The following TNFSF4 variants were observed in gnomAD, a reference collection of about 807,000 sequenced individuals.
The protein encoded by TNFSF4 is tumor necrosis factor ligand superfamily member 4.
In TNFSF4, 4 loss-of-function variants were observed where a neutral mutation model predicts 7.3. The observed-to-expected ratio is 0.55, with a 90% CI of 0.27 to 1.25. TNFSF4 has a LOEUF of 1.25. Ranked by LOEUF, TNFSF4 falls within the 50% of genes most tolerant of loss-of-function variation. TNFSF4 has a pLI of 0.12. For missense variants in TNFSF4, 181 were observed against 208.8 expected (o/e 0.87, Z 0.82); for synonymous variants, 76 against 83.7 (o/e 0.91, Z 0.50).
the TNFSF4 span, among the ~76,000 whole-genome samples, chr1:173,250,404 G>T: frequency 2.0e-5 from 3 of 151,772 alleles, no homozygotes; most frequent in Admixed American, 2.0e-4. Context: ...TATGTACAAA[G>T]CTACCAGCCA....
the TNFSF4 span, among the ~76,000 whole-genome samples, chr1:173,427,863 T>C: frequency 6.6e-6 from 1 of 152,052 alleles, no homozygotes; most frequent in Non-Finnish European, 1.5e-5. Context: ...TATTGCAACA[T>C]ATCTAAACAT....
chr1:173,247,778 A>G, the TNFSF4 span, among the ~76,000 whole-genome samples: 2 of 152,206 alleles, frequency 1.3e-5, no homozygotes, highest in African/African-American at 4.8e-5. Context: ...CTAATTAAAA[A>G]GCTATTTAAT....
chr1:173,255,309 G>T, the TNFSF4 span, among the ~76,000 whole-genome samples: 4 of 152,130 alleles, frequency 2.6e-5, no homozygotes, highest in African/African-American at 9.7e-5. Context: ...CAGGACGATT[G>T]GTGAAGGAAA....
chr1:173,305,966 C>T, the TNFSF4 span, among the ~76,000 whole-genome samples: 1 of 151,846 alleles, frequency 6.6e-6, no homozygotes, highest in Non-Finnish European at 1.5e-5. Flanking sequence ...ACCACATCAC[C>T]CTTCCCTGGA....
At chr1:173,173,427 A>G in the TNFSF4 span, among the ~76,000 whole-genome samples, 1 of 152,280 alleles carries the variant, frequency 6.6e-6, no homozygotes, top group East Asian at 1.9e-4. Flanking sequence ...AAATGCACCC[A>G]TTCCAAATGG....
the TNFSF4 span, among the ~76,000 whole-genome samples, chr1:173,428,916 A>G: frequency 6.6e-6 from 1 of 152,086 alleles, no homozygotes; most frequent in African/African-American, 2.4e-5. Flanking sequence ...CTGAGGCAGG[A>G]GAATTTATTG....
the TNFSF4 span, among the ~76,000 whole-genome samples, chr1:173,300,508 C>A: frequency 1.3e-5 from 2 of 151,864 alleles, no homozygotes; most frequent in Non-Finnish European, 2.9e-5. Context: ...ATAGTCTCTG[C>A]AAGTTTCTCT....
At chr1:173,391,955 C>T in the TNFSF4 span, among the ~76,000 whole-genome samples, 2 of 152,196 alleles carry the variant, frequency 1.3e-5, no homozygotes, top group African/African-American at 2.4e-5. Context: ...CCATAAGTTA[C>T]CCAAATGGAC....
At chr1:173,448,687 T>G in the TNFSF4 span, among the ~76,000 whole-genome samples, 1 of 152,154 alleles carries the variant, frequency 6.6e-6, no homozygotes, top group Admixed American at 6.5e-5. Context: ...CAAGGTAATG[T>G]CATCACTTAA....
the TNFSF4 span, among the ~76,000 whole-genome samples, chr1:173,321,562 T>C: frequency 1.3e-5 from 2 of 151,516 alleles, no homozygotes; most frequent in African/African-American, 4.9e-5. Context: ...TGGGAGAAAA[T>C]TTTTGCAAGA....
At chr1:173,182,259 T>G (rs1266056238), downstream of TNFSF4, among the ~76,000 whole-genome samples, 1 of 152,208 alleles carries the variant, frequency 6.6e-6, no homozygotes, top group Non-Finnish European at 1.5e-5. Context: ...AAGGTATTTT[T>G]ATGAATTGGG....
chr1:173,221,659 A>G, the TNFSF4 span, among the ~76,000 whole-genome samples: 1 of 152,198 alleles, frequency 6.6e-6, no homozygotes, highest in Non-Finnish European at 1.5e-5. Context: ...TTGCAAATGA[A>G]GAGCTCAGTT....
At chr1:173,305,055 G>A in the TNFSF4 span, among the ~76,000 whole-genome samples, 2 of 151,852 alleles carry the variant, frequency 1.3e-5, no homozygotes, top group Admixed American at 6.6e-5. Flanking sequence ...TCACAAAAAC[G>A]AACAGGAATT....
the TNFSF4 span, among the ~76,000 whole-genome samples, chr1:173,321,018 C>A: frequency 4.6e-5 from 7 of 152,198 alleles, no homozygotes; most frequent in East Asian, 7.7e-4. Flanking sequence ...CCCATATAGC[C>A]AAGAAAATCC....
chr1:173,364,402 T>TATAC, the TNFSF4 span, among the ~76,000 whole-genome samples: 21 of 147,586 alleles, frequency 1.4e-4, no homozygotes, highest in East Asian at 1.2e-3. Flanking sequence ...TATATATATA[T>TATAC]ACACACACAC....
chr1:173,187,058 A>C (rs558446428), intron 2 of TNFSF4, among the ~76,000 whole-genome samples, 193 bp from the exon 3 acceptor site: 16 of 152,138 alleles, frequency 1.1e-4, no homozygotes, highest in Admixed American at 7.9e-4. Flanking sequence ...CTCAAACAAA[A>C]AAAAAAAAGA....
At chr1:173,219,669 T>TACAC in the TNFSF4 span, among the ~76,000 whole-genome samples, 95 of 146,982 alleles carry the variant, frequency 6.5e-4, no homozygotes, top group South Asian at 1.7e-3. Context: ...GAAATTGTGA[T>TACAC]ACACACACAC....
the TNFSF4 span, among the ~76,000 whole-genome samples, chr1:173,329,591 G>C: frequency 6.6e-6 from 1 of 152,064 alleles, no homozygotes; most frequent in Non-Finnish European, 1.5e-5. Flanking sequence ...TTAGAGCAGG[G>C]TTTTAGGGGA....
chr1:173,399,935 A>T, the TNFSF4 span, among the ~76,000 whole-genome samples: 1 of 152,238 alleles, frequency 6.6e-6, no homozygotes, highest in Non-Finnish European at 1.5e-5. Flanking sequence ...CAAGGTGATC[A>T]GATAGGTACC....
Sources: allele counts gnomAD v4.1 joint callset (sites outside exome capture counted in the v4.1 genomes callset), GRCh38; gene constraint gnomAD v4.1.1; transcripts MANE v1.5; gene names NCBI Gene and HGNC (gene_info 2026-07-23, HGNC 2026-07-21).